The following C8orf34 variants were observed in gnomAD, a reference collection of about 807,000 sequenced individuals.
The protein encoded by C8orf34 is uncharacterized protein C8orf34.
Under a neutral mutation model 68.3 loss-of-function variants are expected in C8orf34, and 65 were observed. The ratio of observed to expected loss-of-function variants is 0.95; its 90% CI spans 0.78 to 1.17. The LOEUF (loss-of-function observed/expected upper bound fraction) is 1.17. Ranked by LOEUF, C8orf34 falls within the 50% of genes most tolerant of loss-of-function variation. C8orf34 has a pLI of 0.00. For synonymous variants in C8orf34, 244 were observed against 241.2 expected, an observed-to-expected ratio of 1.01 and a Z score of -0.11; for missense variants, 664 against 655.4, an observed-to-expected ratio of 1.01 and a Z score of -0.14.
In C8orf34 at chr8:68,499,556, G is replaced by A. The variant is rs974787209; in HGVS notation, c.765+11505G>A. Among the ~76,000 whole-genome samples the A allele has an allele frequency of 3.3e-5, 5 of 152,264 alleles. No individual in the cohort carries two copies. In the South Asian group the frequency reaches 8.3e-4, roughly 25 times the overall value. On this transcript the variant is annotated intron_variant, in intron 5 of 13. Coordinates refer to ENST00000518698, the MANE Select transcript of C8orf34 (RefSeq NM_052958.4). ...ACAAGTAAATTTAGAAGGAATGATG[G>A]AATTAGAAAGCCACAAATTGGCAAC...
intron 12 of C8orf34, among the ~76,000 whole-genome samples, chr8:68,804,171 G>C (rs572047887): frequency 6.6e-6 from 1 of 152,146 alleles, no homozygotes; most frequent in African/African-American, 2.4e-5. Context: ...CTCATTTAAG[G>C]CCCTATGTAT....
intron 7 of C8orf34, among the ~76,000 whole-genome samples, chr8:68,596,077 G>A (rs928207679): frequency 2.6e-5 from 4 of 152,062 alleles, no homozygotes; most frequent in East Asian, 3.9e-4. Flanking sequence ...CTGTTTGTGC[G>A]TTTCTTTTTA....
intron 7 of C8orf34, among the ~76,000 whole-genome samples, chr8:68,589,822 G>C (rs1369840496): frequency 6.9e-6 from 1 of 144,066 alleles, no homozygotes; most frequent in African/African-American, 2.6e-5. Flanking sequence ...GAGGGAAGGG[G>C]AAGGAAGGAA....
intron 8 of C8orf34, among the ~76,000 whole-genome samples, chr8:68,672,507 G>A (rs930473653): frequency 6.6e-6 from 1 of 152,156 alleles, no homozygotes; most frequent in African/African-American, 2.4e-5. Flanking sequence ...ACTCAGTGCT[G>A]CCCGGTCACA....
rs746323185 is a variant in C8orf34 at position 68,776,371 on chromosome 8, T to C, written c.1405-28T>C. On this transcript the variant is annotated intron_variant, in intron 10 of 13. Coordinates refer to ENST00000518698, the MANE Select transcript of C8orf34 (RefSeq NM_052958.4). Reference sequence around the variant, plus strand: ...CTTTTTCTCTCCTTCTCCTGACCTTTTCAACCTCTCTTCCTCTTTACTTCT... The same window carrying C: ...CTTTTTCTCTCCTTCTCCTGACCTTCTCAACCTCTCTTCCTCTTTACTTCT... 2.5e-6 allele frequency: 4 copies of C among 1,591,728 alleles called. No homozygotes were observed. In the African/African-American group the frequency reaches 5.4e-5, roughly 21 times the overall value.
intron 10 of C8orf34, among the ~76,000 whole-genome samples, chr8:68,749,098 G>A (rs1353437187): frequency 6.6e-6 from 1 of 151,990 alleles, no homozygotes; most frequent in African/African-American, 2.4e-5. Flanking sequence ...GGACATGGAT[G>A]AAATTGGAAA....
chr8:68,811,525 T>C (rs1824651806), intron 12 of C8orf34, among the ~76,000 whole-genome samples: 1 of 152,134 alleles, frequency 6.6e-6, no homozygotes, highest in South Asian at 2.1e-4. Context: ...TGGCCACGCC[T>C]CCCCTACTAC....
rs189015767 is a variant in C8orf34 at position 68,444,610 on chromosome 8, T to C, written c.476-1719T>C. 2.2e-3 allele frequency among the ~76,000 whole-genome samples: 328 copies of C among 152,298 alleles called. 1 individual carries two copies. The highest frequency in any genetic ancestry group is 7.1e-3 in the African/African-American group (295 of 41,586). ...ATAGCTTGGAACTATTTGGATTCTTTTCAAAATTTTAGAGAGGTGAAATCA... is the reference window on the plus strand; with the variant it reads ...ATAGCTTGGAACTATTTGGATTCTTCTCAAAATTTTAGAGAGGTGAAATCA... On this transcript the variant is annotated intron_variant, in intron 2 of 13. Coordinates refer to ENST00000518698, the MANE Select transcript of C8orf34 (RefSeq NM_052958.4).
intron 10 of C8orf34, among the ~76,000 whole-genome samples, chr8:68,724,463 C>T (rs1298507875): frequency 6.6e-6 from 1 of 152,180 alleles, no homozygotes; most frequent in Non-Finnish European, 1.5e-5. Context: ...GAGGAACAGA[C>T]TCTTGGAAAC....
At chr8:68,433,831 G>C (rs1810546265) in intron 1 of C8orf34, among the ~76,000 whole-genome samples, 1 of 152,154 alleles carries the variant, frequency 6.6e-6, no homozygotes, top group African/African-American at 2.4e-5. Flanking sequence ...TAATAAGTGA[G>C]TCTATGATGA....
intron 1 of C8orf34, among the ~76,000 whole-genome samples, chr8:68,354,125 G>A (rs1019455917): frequency 4.0e-5 from 6 of 151,754 alleles, no homozygotes; most frequent in Admixed American, 6.6e-5. Context: ...TAATTTGTGC[G>A]CTAAATTATT....
chr8:68,625,721 A>C (rs563038156), intron 7 of C8orf34: 54 of 596,870 alleles, frequency 9.0e-5, no homozygotes, highest in African/African-American at 8.0e-4. Context: ...AACTATGGCC[A>C]ATATACATCA....
At chr8:68,708,952 TAAC>T (rs780958379) in intron 8 of C8orf34, 39 bp from the exon 9 acceptor site, 1 of 1,430,088 alleles carries the variant, frequency 7.0e-7, no homozygotes, top group Admixed American at 1.8e-5. Flanking sequence ...TTTCACAATT[TAAC>T]ATTATGAGAT....
At chr8:68,705,444 T>G (rs933969302) in intron 8 of C8orf34, among the ~76,000 whole-genome samples, 3 of 152,030 alleles carry the variant, frequency 2.0e-5, no homozygotes, top group African/African-American at 7.2e-5. Flanking sequence ...AGAAAAGCAA[T>G]GACAGCCTTA....
At chr8:68,713,650 G>A (rs766317422) in intron 9 of C8orf34, among the ~76,000 whole-genome samples, 2 of 152,004 alleles carry the variant, frequency 1.3e-5, no homozygotes, top group Non-Finnish European at 2.9e-5. Context: ...CAGTGAGATT[G>A]AAATAGTAAT....
intron 1 of C8orf34, among the ~76,000 whole-genome samples, chr8:68,361,045 G>T (rs1003158645): frequency 1.3e-5 from 2 of 152,002 alleles, no homozygotes; most frequent in African/African-American, 2.4e-5. Flanking sequence ...GTGAGCCACC[G>T]CATCCGGCCT....
chr8:68,405,259 G>A (rs1286531230), intron 1 of C8orf34, among the ~76,000 whole-genome samples: 1 of 152,132 alleles, frequency 6.6e-6, no homozygotes, highest in Non-Finnish European at 1.5e-5. Context: ...GACAGTAAAG[G>A]AATTCTGGGC....
At chr8:68,752,925 T>C (rs1461529009) in intron 10 of C8orf34, among the ~76,000 whole-genome samples, 1 of 152,216 alleles carries the variant, frequency 6.6e-6, no homozygotes, top group Non-Finnish European at 1.5e-5. Context: ...AGCTCTTGAA[T>C]TGTGTTTTTT....
At chr8:68,338,929 T>G (rs1187736090) in intron 1 of C8orf34, among the ~76,000 whole-genome samples, 1 of 152,092 alleles carries the variant, frequency 6.6e-6, no homozygotes, top group Non-Finnish European at 1.5e-5. Flanking sequence ...TGTAATGATA[T>G]CTCATTGTTA....
Sources: gnomAD v4.1 joint callset for allele counts (sites outside exome capture counted in the v4.1 genomes callset) on GRCh38, gnomAD v4.1.1 for gene constraint, MANE v1.5 for transcripts, NCBI Gene and HGNC (gene_info 2026-07-23, HGNC 2026-07-21) for gene names.